The following KCNH7 variants were observed in gnomAD, a reference collection of about 807,000 sequenced individuals.
KCNH7 encodes the protein potassium voltage-gated channel subfamily H member 7.
Under a neutral mutation model 120.8 loss-of-function variants are expected in KCNH7, and 49 were observed. That is an observed-to-expected ratio of 0.41 (90% CI 0.32 to 0.51). The LOEUF (loss-of-function observed/expected upper bound fraction) is 0.51, where lower values mean the gene tolerates loss of function less well. Among genes scored for constraint, KCNH7 ranks in the 20% least tolerant of loss-of-function variants. The pLI is 0.38. For missense variants in KCNH7, 1,097 were observed against 1,446.6 expected, an observed-to-expected ratio of 0.76 and a Z score of 3.92; for synonymous variants, 547 against 516.1, an observed-to-expected ratio of 1.06 and a Z score of -0.81.
chr2:162,653,989 C>G (rs1196670872), intron 2 of KCNH7, among the ~76,000 whole-genome samples: 3 of 151,914 alleles, frequency 2.0e-5, no homozygotes, highest in African/African-American at 7.3e-5. Flanking sequence ...TATACAAAAA[C>G]CAATTCAAAA....
At chr2:162,399,192 T>C (rs761505106) in intron 10 of KCNH7, among the ~76,000 whole-genome samples, 19 of 151,768 alleles carry the variant, frequency 1.3e-4, no homozygotes, top group Admixed American at 6.6e-4. Flanking sequence ...GGCGTTATCA[T>C]AGGGAGAGTG....
chr2:162,708,329 G>A (rs931055241), intron 2 of KCNH7, among the ~76,000 whole-genome samples: 1 of 152,068 alleles, frequency 6.6e-6, no homozygotes, highest in Non-Finnish European at 1.5e-5. Context: ...TAAAGCTAAG[G>A]TGGGTTTATT....
At chr2:162,683,735 C>T (rs1021274285) in intron 2 of KCNH7, among the ~76,000 whole-genome samples, 18 of 151,550 alleles carry the variant, frequency 1.2e-4, no homozygotes, top group Admixed American at 3.3e-4. Context: ...AATTATTCCA[C>T]AATACAATCA....
intron 2 of KCNH7, among the ~76,000 whole-genome samples, chr2:162,705,221 G>A (rs1464790626): frequency 2.6e-5 from 4 of 151,942 alleles, no homozygotes; most frequent in African/African-American, 9.7e-5. Context: ...TTCTGTCATG[G>A]GGTTTTATTG....
intron 2 of KCNH7, among the ~76,000 whole-genome samples, chr2:162,658,706 A>C (rs10188858): frequency 0.23 from 34,496 of 152,090 alleles, 6,188 homozygotes; most frequent in African/African-American, 0.49. Flanking sequence ...TAGATTTATA[A>C]CTAAGCATTT....
At chr2:162,775,153 C>T (rs1272638970) in intron 2 of KCNH7, among the ~76,000 whole-genome samples, 1 of 151,986 alleles carries the variant, frequency 6.6e-6, no homozygotes, top group African/African-American at 2.4e-5. Context: ...TGCATGCCTT[C>T]TCTATATCAG....
intron 9 of KCNH7, among the ~76,000 whole-genome samples, chr2:162,415,652 T>G (rs1029323408): frequency 6.6e-6 from 1 of 152,166 alleles, no homozygotes; most frequent in Non-Finnish European, 1.5e-5. Flanking sequence ...TATAAAACCA[T>G]AAACTTATGA....
At position 162,423,325 on chromosome 2, in the gene KCNH7, G is replaced by C. The variant is rs941127473; in HGVS notation, c.2154+11C>G. Reference sequence around the variant, plus strand: ...TGCGGCACTTTCATTTTGGAAAACAGACATACATACCATGTTCATGTCAAT... The same window carrying C: ...TGCGGCACTTTCATTTTGGAAAACACACATACATACCATGTTCATGTCAAT... On this transcript the variant is annotated intron_variant, in intron 9 of 15. Transcript: ENST00000332142. 34 of 1,613,910 alleles carry C rather than the reference G, an allele frequency of 2.1e-5. No individual in the cohort carries two copies. Among genetic ancestry groups the C allele is most frequent in the Non-Finnish European group, 2.5e-5 (30 of 1,179,910 alleles).
intron 2 of KCNH7, among the ~76,000 whole-genome samples, chr2:162,780,522 C>A (rs1458268169): frequency 6.6e-6 from 1 of 152,096 alleles, no homozygotes; most frequent in African/African-American, 2.4e-5. Context: ...AGGGTAGGGG[C>A]AGAAAATATT....
chr2:162,405,651 A>T (rs748451389), intron 9 of KCNH7, among the ~76,000 whole-genome samples: 25 of 152,012 alleles, frequency 1.6e-4, no homozygotes, highest in Non-Finnish European at 3.5e-4. Flanking sequence ...AATGAATGCA[A>T]AAATGAATGT....
At chr2:162,747,845 CTACT>C (rs1210911621) in intron 2 of KCNH7, among the ~76,000 whole-genome samples, 1 of 152,068 alleles carries the variant, frequency 6.6e-6, no homozygotes, top group Non-Finnish European at 1.5e-5. Context: ...CTCATAAGAA[CTACT>C]TAAAGTACTT....
chr2:162,798,008 G>T (rs1318498442), intron 2 of KCNH7: 1 of 152,030 alleles, frequency 6.6e-6, no homozygotes, highest in Non-Finnish European at 1.5e-5. Context: ...TAAGAAAAAT[G>T]TGGACAATGA....
chr2:162,781,995 T>C (rs1190547630), intron 2 of KCNH7, among the ~76,000 whole-genome samples: 1 of 152,220 alleles, frequency 6.6e-6, no homozygotes, highest in East Asian at 1.9e-4. Flanking sequence ...TTTTCTAGTG[T>C]TATTAATTTT....
chr2:162,737,180 C>T (rs2105402363), intron 2 of KCNH7, among the ~76,000 whole-genome samples: 1 of 152,244 alleles, frequency 6.6e-6, no homozygotes, highest in East Asian at 1.9e-4. Context: ...ACCTCTGGGG[C>T]TAGTGATCCT....
intron 2 of KCNH7, among the ~76,000 whole-genome samples, chr2:162,678,760 T>C (rs1685613006): frequency 6.6e-6 from 1 of 151,552 alleles, no homozygotes; most frequent in South Asian, 2.1e-4. Context: ...CAGGAACTCT[T>C]TCAAAATTCT....
chr2:162,546,562 A>C (rs540360989), intron 2 of KCNH7, among the ~76,000 whole-genome samples: 2 of 152,160 alleles, frequency 1.3e-5, no homozygotes, highest in Non-Finnish European at 2.9e-5. Context: ...TCCTGGGGAC[A>C]GCCACCCCGT....
At chr2:162,484,754 T>G (rs1180599436) in intron 6 of KCNH7, among the ~76,000 whole-genome samples, 1 of 152,192 alleles carries the variant, frequency 6.6e-6, no homozygotes, top group Non-Finnish European at 1.5e-5. Context: ...AGTGAATTCT[T>G]GCTCTATTCA....
At chr2:162,769,786 T>A (rs1377148158) in intron 2 of KCNH7, among the ~76,000 whole-genome samples, 2 of 152,082 alleles carry the variant, frequency 1.3e-5, no homozygotes, top group African/African-American at 2.4e-5. Context: ...TTAAAAGTTT[T>A]GAAGCAAAAC....
Position 162,545,132 on chromosome 2 carries a change from C to T in KCNH7, c.308-8052G>A, listed in dbSNP as rs181814970. The stretch of plus-strand genomic sequence containing the variant: ...ATCTTTCCCTTGCATTAGTGTTACC[C>T]GAAGAGTGAGATGTTAACAGATATT... On this transcript the variant is annotated intron_variant, in intron 2 of 15. Transcript: ENST00000332142. Among the ~76,000 whole-genome samples the T allele has an allele frequency of 3.1e-4, 47 of 152,132 alleles. 1 individual carries two copies. Among genetic ancestry groups the T allele is most frequent in the African/African-American group, 1.1e-3 (44 of 41,518 alleles).
Sources: gnomAD v4.1 joint callset for allele counts (sites outside exome capture counted in the v4.1 genomes callset) on GRCh38, gnomAD v4.1.1 for gene constraint, MANE v1.5 for transcripts, NCBI Gene and HGNC (gene_info 2026-07-23, HGNC 2026-07-21) for gene names.